The following TYRP1 variants were observed in gnomAD, a reference collection of about 807,000 sequenced individuals.
TYRP1 encodes tyrosinase related protein 1.
TYRP1 carries 49 observed loss-of-function variants against 42.8 expected under a neutral mutation model. The ratio of observed to expected loss-of-function variants is 1.14; its 90% CI spans 0.91 to 1.45. The LOEUF is 1.45. Ranked by LOEUF, TYRP1 falls within the 40% of genes most tolerant of loss-of-function variation. The probability of loss-of-function intolerance (pLI) is 0.00; values close to 1 mark genes in which losing one functional copy is unlikely to be tolerated. For synonymous variants in TYRP1, 279 were observed against 235.4 expected, an observed-to-expected ratio of 1.19 and a Z score of -1.69; for missense variants, 848 against 662.0, an observed-to-expected ratio of 1.28 and a Z score of -3.08.
intron 5 of TYRP1, among the ~76,000 whole-genome samples, chr9:12,703,658 C>G (rs985278439): frequency 6.6e-6 from 1 of 151,770 alleles, no homozygotes; most frequent in Non-Finnish European, 1.5e-5. Flanking sequence ...GCATAGGTGG[C>G]TAAATAAGTG....
At chr9:12,707,917 T>C (rs41316019) in intron 6 of TYRP1, 80 bp from the exon 7 acceptor site, 16 of 1,384,146 alleles carry the variant, frequency 1.2e-5, no homozygotes, top group Non-Finnish European at 1.4e-5. Flanking sequence ...CCTTGAATAT[T>C]GGATGCCTTT....
chr9:12,697,997 A>C (rs1333749093), intron 3 of TYRP1, among the ~76,000 whole-genome samples: 1 of 152,230 alleles, frequency 6.6e-6, no homozygotes, highest in South Asian at 2.1e-4. Flanking sequence ...CAAAACAAAA[A>C]TTAGCACTCC....
rs1377304091 is a variant in TYRP1 at position 12,695,789 on chromosome 9, T to A, written c.660T>A (p.Phe220Leu). 6.2e-7 allele frequency: 1 copy of A among 1,614,110 alleles called. No individual in the cohort carries two copies. The highest frequency in any genetic ancestry group is 1.1e-5 in the South Asian group (1 of 91,064). The change falls in exon 3 of 8, where the codon TTT becomes TTA. Residue 220 changes from phenylalanine to leucine, a missense_variant. Physicochemically the swap from Phe to Leu is conservative, Grantham distance 22. Transcript: ENST00000388918. ...ATTTCTCTCATGAGGGACCAGCTTT[T>A]CTCACATGGCACAGGTACCACCTCC... is the stretch of plus-strand genomic sequence containing the variant. ...EVDFSHEGPA[F>L]LTWHRYHLLR...
chr9:12,693,892 T>G lies in TYRP1; in HGVS notation c.-85-20T>G. ...ACCAAGAAAAACTTGCATAATCTCATTTTACTTTCTCTTTTTCAGCTGGAT... is the reference window on the plus strand; with the variant it reads ...ACCAAGAAAAACTTGCATAATCTCAGTTTACTTTCTCTTTTTCAGCTGGAT... On this transcript the variant is annotated intron_variant, in intron 1 of 7. Coordinates refer to ENST00000388918, the MANE Select transcript of TYRP1 (RefSeq NM_000550.3). The G allele has an allele frequency of 1.3e-6, 2 of 1,516,442 alleles. No homozygotes were observed. Among genetic ancestry groups the G allele is most frequent in the African/African-American group, 1.4e-5 (1 of 72,752 alleles). The allele number at this position is 1,516,442 out of a possible 1,614,324, so 93.9% of individuals were successfully genotyped here.
At chr9:12,707,146 T>TTAAG (rs1481557546) in intron 6 of TYRP1, among the ~76,000 whole-genome samples, 1 of 152,036 alleles carries the variant, frequency 6.6e-6, no homozygotes, top group East Asian at 1.9e-4. Context: ...ATTATATGAA[T>TTAAG]TAAGTTTTAA....
At chr9:12,705,233 C>G (rs1052728705) in intron 6 of TYRP1, among the ~76,000 whole-genome samples, 1 of 152,028 alleles carries the variant, frequency 6.6e-6, no homozygotes, top group African/African-American at 2.4e-5. Context: ...TCAATGCATT[C>G]TTTAAAATAC....
chr9:12,702,958 G>T (rs1438889984), intron 5 of TYRP1, among the ~76,000 whole-genome samples: 1 of 151,916 alleles, frequency 6.6e-6, no homozygotes, highest in Non-Finnish European at 1.5e-5. Flanking sequence ...TGCTTAACTT[G>T]GTTTTCCTTA....
rs201457510 is a variant in TYRP1, at chr9:12,694,183, G to A, written c.187G>A (p.Gly63Ser). ...CCGCTGTGGCTCATCATCAGGGAGG[G>A]GCAGATGTGAGGCAGTGACTGCAGA... ...TDRCGSSSGR[G>S]RCEAVTADSR... is the part of the protein sequence containing the mutation. Residue 63 changes from glycine to serine, a missense_variant, in exon 2 of 8, where the codon GGC becomes AGC. Gly to Ser is a moderately conservative substitution (Grantham distance 56). Coordinates refer to ENST00000388918, the MANE Select transcript of TYRP1 (RefSeq NM_000550.3). The A allele has an allele frequency of 5.6e-6, 9 of 1,613,816 alleles. No homozygotes were observed. The highest frequency in any genetic ancestry group is 7.6e-6 in the Non-Finnish European group (9 of 1,179,984).
At chr9:12,705,873 A>T (rs1437945537) in intron 6 of TYRP1, among the ~76,000 whole-genome samples, 3 of 151,986 alleles carry the variant, frequency 2.0e-5, no homozygotes, top group African/African-American at 7.2e-5. Flanking sequence ...CAGTTATTGC[A>T]GTTTCATCTC....
chr9:12,693,599 C>G (rs1057277203), intron 1 of TYRP1, 121 bp downstream of exon 1: 2 of 185,706 alleles, frequency 1.1e-5, no homozygotes, highest in African/African-American at 4.8e-5. Flanking sequence ...TCCTTCAGCT[C>G]CAAGGTTAAA....
At chr9:12,706,583 C>T (rs1818262157) in intron 6 of TYRP1, among the ~76,000 whole-genome samples, 1 of 151,942 alleles carries the variant, frequency 6.6e-6, no homozygotes, top group Admixed American at 6.6e-5. Flanking sequence ...TAGGAAACTA[C>T]CCTGCAGCAC....
chr9:12,694,898 C>G (rs1818051421), intron 2 of TYRP1, among the ~76,000 whole-genome samples: 1 of 152,114 alleles, frequency 6.6e-6, no homozygotes, highest in Non-Finnish European at 1.5e-5. Flanking sequence ...TAACAAAGCA[C>G]TAAACAGTAA....
chr9:12,710,020 A>G lies in TYRP1; in HGVS notation c.*838A>G, dbSNP rs1818333431. Reference sequence around the variant, plus strand: ...AAATAGTATTCCAATCACTGTGCTTAATTTAAATAGCATTATCTTATCATT... The same window carrying G: ...AAATAGTATTCCAATCACTGTGCTTGATTTAAATAGCATTATCTTATCATT... On this transcript the variant is annotated 3_prime_UTR_variant, in exon 8 of 8. Coordinates refer to ENST00000388918, the MANE Select transcript of TYRP1 (RefSeq NM_000550.3). 1 of 151,816 alleles carries G rather than the reference A, an allele frequency of 6.6e-6. No individual in the cohort carries two copies. The allele number at this position is 151,816 out of a possible 1,614,324, so 9.4% of individuals were successfully genotyped here.
intron 3 of TYRP1, 78 bp from the exon 4 acceptor site, chr9:12,698,373 C>A: frequency 2.2e-6 from 3 of 1,366,742 alleles, no homozygotes; most frequent in Non-Finnish European, 3.1e-6. Flanking sequence ...TAGAAATAGA[C>A]TGTCAGAGAG....
chr9:12,702,387 A>G lies in TYRP1; in HGVS notation c.1030A>G (p.Thr344Ala). The G allele has an allele frequency of 6.2e-7, 1 of 1,613,112 alleles. No homozygotes were observed. Among genetic ancestry groups the G allele is most frequent in the African/African-American group, 1.3e-5 (1 of 74,992 alleles). The change falls in exon 5 of 8, where the codon ACG becomes GCG. Residue 344 changes from threonine (T) to alanine (A), a missense_variant. Physicochemically the swap from Thr to Ala is moderately conservative, Grantham distance 58. Coordinates refer to ENST00000388918, the MANE Select transcript of TYRP1 (RefSeq NM_000550.3). The stretch of plus-strand genomic sequence containing the variant: ...GTGCTTGGAAGTTGGTTTATTTGAC[A>G]CGCCTCCTTTTTATTCCAACTCTAC... ...AQCLEVGLFD[T>A]PPFYSNSTNS...
intron 6 of TYRP1, chr9:12,707,792 G>A (rs749677492): frequency 1.2e-5 from 6 of 506,450 alleles, no homozygotes; most frequent in Non-Finnish European, 2.1e-5. Context: ...TTATTAAGTG[G>A]TATATTGGTA....
chr9:12,708,850 T>A, intron 7 of TYRP1, 127 bp from the exon 8 acceptor site: 2 of 888,246 alleles, frequency 2.3e-6, no homozygotes, highest in Non-Finnish European at 3.6e-6. Flanking sequence ...TTCAAGGCCA[T>A]GTGGCCAATG....
intron 4 of TYRP1, among the ~76,000 whole-genome samples, chr9:12,699,609 T>A (rs1818133656): frequency 6.6e-6 from 1 of 152,126 alleles, no homozygotes; most frequent in African/African-American, 2.4e-5. Flanking sequence ...CACCATTAGA[T>A]TATTTAGCAA....
chr9:12,709,501 T>A lies in TYRP1; in HGVS notation c.*319T>A, dbSNP rs1818322251. ...AAGTAAGTGAACTACCATGCTTTGTTTACGTGTAAAGGAAAATAATGTTTG... is the reference window on the plus strand; with the variant it reads ...AAGTAAGTGAACTACCATGCTTTGTATACGTGTAAAGGAAAATAATGTTTG... On this transcript the variant is annotated 3_prime_UTR_variant, in exon 8 of 8. Coordinates refer to ENST00000388918, the MANE Select transcript of TYRP1 (RefSeq NM_000550.3). 3.3e-6 allele frequency: 1 copy of A among 304,458 alleles called. No homozygotes were observed. The highest frequency in any genetic ancestry group is 4.4e-5 in the South Asian group (1 of 22,770). The allele number at this position is 304,458 out of a possible 1,614,324, so 18.9% of individuals were successfully genotyped here.
Sources: gnomAD v4.1 joint callset for allele counts (sites outside exome capture counted in the v4.1 genomes callset) on GRCh38, gnomAD v4.1.1 for gene constraint, MANE v1.5 for transcripts, NCBI Gene and HGNC (gene_info 2026-07-23, HGNC 2026-07-21) for gene names.